CTIF: variants seen among roughly 807,000 people sequenced by gnomAD.
CTIF encodes cap binding complex dependent translation initiation factor.
In CTIF, 21 loss-of-function variants were observed where a neutral mutation model predicts 66.0. The ratio of observed to expected loss-of-function variants is 0.32; its 90% CI spans 0.23 to 0.46. The LOEUF is 0.46. CTIF is among the 20% of genes least tolerant of loss of function. The pLI, the probability that CTIF is intolerant of heterozygous loss-of-function variation, is 1.00. For synonymous variants in CTIF, 345 were observed against 326.4 expected (o/e 1.06, Z -0.62); for missense variants, 739 against 812.7 (o/e 0.91, Z 1.10).
At chr18:48,700,400 C>T (rs1010180801) in intron 6 of CTIF, among the ~76,000 whole-genome samples, 2 of 152,218 alleles carry the variant, frequency 1.3e-5, no homozygotes, top group African/African-American at 4.8e-5. Flanking sequence ...CCTGTGGCCT[C>T]TCCAGCCAGC....
intron 6 of CTIF, among the ~76,000 whole-genome samples, chr18:48,702,560 G>T (rs1167785494): frequency 6.6e-6 from 1 of 152,328 alleles, no homozygotes; most frequent in African/African-American, 2.4e-5. Flanking sequence ...CCAATGTGTG[G>T]CAGGTGGAGG....
At chr18:48,786,649 G>A (rs1911737380) in intron 9 of CTIF, among the ~76,000 whole-genome samples, 1 of 152,190 alleles carries the variant, frequency 6.6e-6, no homozygotes, top group Non-Finnish European at 1.5e-5. Context: ...TGGAACATGG[G>A]CCTGAATCAG....
intron 7 of CTIF, among the ~76,000 whole-genome samples, chr18:48,749,951 C>T (rs574900097): frequency 4.7e-4 from 71 of 152,304 alleles, no homozygotes; most frequent in East Asian, 1.5e-3. Flanking sequence ...AAACACTCCA[C>T]CAGGTTCACG....
chr18:48,769,995 G>A (rs530059503), intron 9 of CTIF, among the ~76,000 whole-genome samples: 21 of 152,316 alleles, frequency 1.4e-4, no homozygotes, highest in Admixed American at 1.1e-3. Context: ...GTGGGGCGGG[G>A]GAACATGTGG....
intron 6 of CTIF, among the ~76,000 whole-genome samples, chr18:48,704,435 TG>T (rs2092124734): frequency 6.6e-6 from 1 of 152,200 alleles, no homozygotes; most frequent in Non-Finnish European, 1.5e-5. Flanking sequence ...CCTCCCAGCC[TG>T]GGTGATTTTG....
At chr18:48,734,475 A>C (rs541586462) in intron 7 of CTIF, among the ~76,000 whole-genome samples, 1 of 152,208 alleles carries the variant, frequency 6.6e-6, no homozygotes, top group Non-Finnish European at 1.5e-5. Flanking sequence ...CTGAGGCAGG[A>C]GAATCGCTAG....
At chr18:48,596,733 C>T (rs186653882) in intron 1 of CTIF, among the ~76,000 whole-genome samples, 2 of 152,280 alleles carry the variant, frequency 1.3e-5, no homozygotes, top group African/African-American at 2.4e-5. Context: ...ACCTCGGCCT[C>T]CCAAAGTGCT....
At chr18:48,607,447 C>T (rs970926927) in intron 1 of CTIF, among the ~76,000 whole-genome samples, 3 of 152,224 alleles carry the variant, frequency 2.0e-5, no homozygotes, top group African/African-American at 4.8e-5. Flanking sequence ...CCCATCTGTG[C>T]CCATCAGCAG....
intron 9 of CTIF, among the ~76,000 whole-genome samples, chr18:48,781,042 C>A (rs1338645674): frequency 2.0e-5 from 3 of 152,234 alleles, no homozygotes; most frequent in Admixed American, 2.0e-4. Context: ...CCCATCCCTG[C>A]CTTCACGGAG....
At chr18:48,688,680 T>G (rs2091881472) in intron 6 of CTIF, among the ~76,000 whole-genome samples, 1 of 152,240 alleles carries the variant, frequency 6.6e-6, no homozygotes, top group Non-Finnish European at 1.5e-5. Context: ...CAGGGTCCCT[T>G]GGTCGCTGGT....
intron 9 of CTIF, among the ~76,000 whole-genome samples, chr18:48,767,440 C>G (rs1381139306): frequency 6.6e-6 from 1 of 152,136 alleles, no homozygotes; most frequent in African/African-American, 2.4e-5. Context: ...AGTACAAGTT[C>G]AAGCCCTCCT....
intron 7 of CTIF, among the ~76,000 whole-genome samples, chr18:48,738,063 C>T (rs1277275039): frequency 6.6e-6 from 1 of 152,190 alleles, no homozygotes; most frequent in Non-Finnish European, 1.5e-5. Context: ...TGCCCCACTC[C>T]CTCTGTCTTC....
At chr18:48,541,849 C>A (rs1397110780) in intron 1 of CTIF, among the ~76,000 whole-genome samples, 2 of 151,946 alleles carry the variant, frequency 1.3e-5, no homozygotes, top group Admixed American at 1.3e-4. Flanking sequence ...CCCCCTCCCC[C>A]GCCAGATATC....
At chr18:48,806,312 TC>T (rs2068145979) in intron 9 of CTIF, among the ~76,000 whole-genome samples, 1 of 152,130 alleles carries the variant, frequency 6.6e-6, no homozygotes, top group African/African-American at 2.4e-5. Flanking sequence ...GCTGCTGGGC[TC>T]CCACAGCTCC....
chr18:48,687,939 C>A (rs554184634), intron 6 of CTIF, among the ~76,000 whole-genome samples: 1 of 152,346 alleles, frequency 6.6e-6, no homozygotes, highest in Non-Finnish European at 1.5e-5. Flanking sequence ...TGCCTTTTGC[C>A]AATTCACATT....
At chr18:48,643,221 G>A (rs2090965971) in intron 3 of CTIF, among the ~76,000 whole-genome samples, 1 of 152,176 alleles carries the variant, frequency 6.6e-6, no homozygotes. Context: ...CTTGTAAAAG[G>A]CAGATTAATA....
intron 7 of CTIF, among the ~76,000 whole-genome samples, chr18:48,720,217 T>A (rs1909613077): frequency 6.6e-6 from 1 of 152,154 alleles, no homozygotes. Context: ...GGATCTTAGG[T>A]CTGAGTGATT....
chr18:48,806,586 G>T (rs925411331), intron 9 of CTIF, among the ~76,000 whole-genome samples: 1 of 152,192 alleles, frequency 6.6e-6, no homozygotes, highest in Admixed American at 6.5e-5. Flanking sequence ...CTCAGGAAGT[G>T]TAAAAAATAT....
At chr18:48,821,467 C>T (rs1006448349) in intron 10 of CTIF, among the ~76,000 whole-genome samples, 1 of 152,242 alleles carries the variant, frequency 6.6e-6, no homozygotes, top group Non-Finnish European at 1.5e-5. Context: ...CAGATCTGAC[C>T]ACCCCATTTC....
Sources: allele counts gnomAD v4.1 joint callset (sites outside exome capture counted in the v4.1 genomes callset), GRCh38; gene constraint gnomAD v4.1.1; transcripts MANE v1.5; gene names NCBI Gene and HGNC (gene_info 2026-07-23, HGNC 2026-07-21).